GGACT: variants seen among roughly 807,000 people sequenced by gnomAD.
The protein encoded by GGACT is gamma-glutamylamine cyclotransferase.
For synonymous variants in GGACT, 118 were observed against 115.3 expected (o/e 1.02, Z -0.15); for missense variants, 241 against 233.2 (o/e 1.03, Z -0.22).
intron 2 of GGACT, among the ~76,000 whole-genome samples, chr13:100,549,920 G>C (rs2088641220): frequency 6.6e-6 from 1 of 152,086 alleles, no homozygotes; most frequent in Non-Finnish European, 1.5e-5. Context: ...TCAAAATTAA[G>C]CCTGATTAAG....
At chr13:100,579,403 C>G (rs1485129924) in intron 2 of GGACT, among the ~76,000 whole-genome samples, 7 of 152,062 alleles carry the variant, frequency 4.6e-5, no homozygotes, top group Non-Finnish European at 1.0e-4. Flanking sequence ...TCATCCTCCC[C>G]CAAGACAAAC....
intron 2 of GGACT, among the ~76,000 whole-genome samples, chr13:100,575,848 C>T (rs1264011537): frequency 6.6e-6 from 1 of 152,196 alleles, no homozygotes; most frequent in Non-Finnish European, 1.5e-5. Flanking sequence ...CCAGTTTGTT[C>T]TCATGTAATC....
intron 2 of GGACT, chr13:100,539,647 T>C (rs940016596): frequency 4.0e-5 from 20 of 500,770 alleles, no homozygotes; most frequent in Non-Finnish European, 5.6e-5. Flanking sequence ...TCATCAAGAA[T>C]ATTAGTCTGT....
chr13:100,574,838 C>T (rs1460233917), intron 2 of GGACT, among the ~76,000 whole-genome samples: 2 of 151,956 alleles, frequency 1.3e-5, no homozygotes, highest in Non-Finnish European at 2.9e-5. Flanking sequence ...CTGCTTCCTC[C>T]AGAATATCAT....
chr13:100,561,494 T>C lies in GGACT; in HGVS notation c.-11+22331A>G, dbSNP rs891030299. On this transcript the variant is annotated intron_variant, in intron 2 of 2. Coordinates refer to ENST00000683975, the MANE Select transcript of GGACT (RefSeq NM_001195087.2). Reference sequence around the variant, plus strand: ...TCACCCCGATTTTGAGCTATCTTAATGCAGTGTCTTCCCACAGAAGGCTTT... The same window carrying C: ...TCACCCCGATTTTGAGCTATCTTAACGCAGTGTCTTCCCACAGAAGGCTTT... Among the ~76,000 whole-genome samples the C allele has an allele frequency of 2.0e-4, 31 of 152,306 alleles. 1 individual carries two copies. Among genetic ancestry groups the C allele is most frequent in the African/African-American group, 6.5e-4 (27 of 41,562 alleles).
intron 2 of GGACT, among the ~76,000 whole-genome samples, chr13:100,567,934 C>CA (rs1156647578): frequency 1.3e-5 from 2 of 152,164 alleles, no homozygotes; most frequent in African/African-American, 2.4e-5. Context: ...CCTCACAAGA[C>CA]AAAAAAGGCT....
chr13:100,542,280 G>A (rs1463569570), intron 2 of GGACT, among the ~76,000 whole-genome samples: 4 of 152,208 alleles, frequency 2.6e-5, no homozygotes, highest in Non-Finnish European at 4.4e-5. Context: ...GCAAGAAGAC[G>A]GGTAGGGTTT....
chr13:100,572,214 A>G (rs1875105559), intron 2 of GGACT, among the ~76,000 whole-genome samples: 1 of 152,224 alleles, frequency 6.6e-6, no homozygotes, highest in African/African-American at 2.4e-5. Context: ...CCTTGAAAAG[A>G]CTGAAAGGAA....
chr13:100,542,180 C>G (rs1269094887), intron 2 of GGACT, among the ~76,000 whole-genome samples: 1 of 152,172 alleles, frequency 6.6e-6, no homozygotes, highest in Non-Finnish European at 1.5e-5. Context: ...GGTGTACAAC[C>G]AAGAGGCTGC....
chr13:100,563,904 C>G (rs1391203845), intron 2 of GGACT, among the ~76,000 whole-genome samples: 1 of 152,098 alleles, frequency 6.6e-6, no homozygotes, highest in African/African-American at 2.4e-5. Flanking sequence ...GGAGCGTGAG[C>G]CCAGGCGTGT....
chr13:100,568,942 GT>G (rs1874994198), intron 2 of GGACT, among the ~76,000 whole-genome samples: 1 of 152,262 alleles, frequency 6.6e-6, no homozygotes, highest in Non-Finnish European at 1.5e-5. Context: ...AAATCTTAAA[GT>G]TCCAAAATGA....
At chr13:100,581,482 T>C (rs1198858758) in intron 2 of GGACT, among the ~76,000 whole-genome samples, 1 of 152,206 alleles carries the variant, frequency 6.6e-6, no homozygotes, top group African/African-American at 2.4e-5. Flanking sequence ...ATAAGGAGTA[T>C]TGGATTAGAA....
chr13:100,547,034 G>C (rs1177261208), intron 2 of GGACT, among the ~76,000 whole-genome samples: 1 of 152,222 alleles, frequency 6.6e-6, no homozygotes, highest in East Asian at 1.9e-4. Flanking sequence ...CCTTCAGGCT[G>C]TTGGGAATCC....
chr13:100,565,926 G>A (rs761470223), intron 2 of GGACT, among the ~76,000 whole-genome samples: 14 of 152,180 alleles, frequency 9.2e-5, no homozygotes, highest in African/African-American at 2.7e-4. Context: ...AAAAGACTGC[G>A]GCTTCTGTCC....
At chr13:100,579,971 GA>G (rs1272459106) in intron 2 of GGACT, 2 of 152,272 alleles carry the variant, frequency 1.3e-5, no homozygotes, top group Non-Finnish European at 2.9e-5. Flanking sequence ...TTCACACGTG[GA>G]ACTTAGGTCT....
chr13:100,546,361 CAAAAAAAAA>C (rs778470021), intron 2 of GGACT, among the ~76,000 whole-genome samples: 8 of 54,610 alleles, frequency 1.5e-4, no homozygotes, highest in Admixed American at 7.5e-4. Context: ...GACTCTGTCT[CAAAAAAAAA>C]AAAAAAAAAA....
At chr13:100,565,952 G>A (rs1253103635) in intron 2 of GGACT, among the ~76,000 whole-genome samples, 2 of 152,166 alleles carry the variant, frequency 1.3e-5, no homozygotes, top group East Asian at 1.9e-4. Context: ...GCTCTCTGCC[G>A]CTCTCAGATC....
chr13:100,587,239 AAG>A (rs1875606309), intron 1 of GGACT: 1 of 152,142 alleles, frequency 6.6e-6, no homozygotes, highest in Admixed American at 6.5e-5. Context: ...CTTACTAGTA[AAG>A]AGAGAAATGA....
intron 2 of GGACT, chr13:100,540,230 T>C (rs2088540448): frequency 2.4e-5 from 34 of 1,403,964 alleles, no homozygotes; most frequent in Non-Finnish European, 2.7e-5. Context: ...CGACCATTGT[T>C]CCTTCTTTTC....
Sources: gnomAD v4.1 joint callset for allele counts (sites outside exome capture counted in the v4.1 genomes callset) on GRCh38, gnomAD v4.1.1 for gene constraint, MANE v1.5 for transcripts, NCBI Gene and HGNC (gene_info 2026-07-23, HGNC 2026-07-21) for gene names.